The following MAPKAP1 variants were observed in gnomAD, a reference collection of about 807,000 sequenced individuals.
The protein encoded by MAPKAP1 is target of rapamycin complex 2 subunit MAPKAP1.
A neutral mutation model predicts 65.7 loss-of-function variants in MAPKAP1; 20 were observed. The observed-to-expected ratio is 0.30, with a 90% confidence interval of 0.21 to 0.44. The LOEUF (loss-of-function observed/expected upper bound fraction) is 0.44, where lower values mean the gene tolerates loss of function less well. Ranked by LOEUF, MAPKAP1 falls within the 20% of genes least tolerant of loss-of-function variation. The probability of loss-of-function intolerance (pLI) is 1.00; values close to 1 mark genes in which losing one functional copy is unlikely to be tolerated. For missense variants in MAPKAP1, 423 were observed against 648.0 expected (o/e 0.65, Z 3.77); for synonymous variants, 222 against 244.3 (o/e 0.91, Z 0.85).
intron 4 of MAPKAP1, among the ~76,000 whole-genome samples, chr9:125,645,110 G>C (rs1259856428): frequency 1.3e-5 from 2 of 152,104 alleles, no homozygotes; most frequent in African/African-American, 2.4e-5. Flanking sequence ...AAAAGAAAAA[G>C]GGGAGGGGAA....
At chr9:125,577,724 G>A in intron 5 of MAPKAP1, among the ~76,000 whole-genome samples, 1 of 125,636 alleles carries the variant, frequency 8.0e-6, no homozygotes. Context: ...CATCCGGGAG[G>A]TGAGGGGCGC....
chr9:125,442,166 G>A (rs1262615488), intron 11 of MAPKAP1, among the ~76,000 whole-genome samples: 1 of 151,150 alleles, frequency 6.6e-6, no homozygotes, highest in Non-Finnish European at 1.5e-5. Flanking sequence ...TCAGAGGTGG[G>A]AGAAGTACTA....
chr9:125,521,540 T>C, intron 7 of MAPKAP1: 1 of 1,359,488 alleles, frequency 7.4e-7, no homozygotes, highest in Non-Finnish European at 9.4e-7. Context: ...GGGTAATGCA[T>C]TCAAATAAAT....
chr9:125,500,437 C>T (rs1828941919), intron 8 of MAPKAP1, among the ~76,000 whole-genome samples: 1 of 151,992 alleles, frequency 6.6e-6, no homozygotes, highest in Non-Finnish European at 1.5e-5. Context: ...TCGTGATCCA[C>T]CCACCTTGGC....
intron 1 of MAPKAP1, among the ~76,000 whole-genome samples, chr9:125,690,577 A>C (rs940247978): frequency 6.6e-6 from 1 of 152,228 alleles, no homozygotes; most frequent in Non-Finnish European, 1.5e-5. Flanking sequence ...GTGAGGACTG[A>C]ATGAATTAAT....
At chr9:125,682,225 A>G (rs1453375132) in intron 1 of MAPKAP1, among the ~76,000 whole-genome samples, 2 of 152,230 alleles carry the variant, frequency 1.3e-5, no homozygotes, top group Non-Finnish European at 2.9e-5. Flanking sequence ...TCTAGTGGAA[A>G]AACATAGACT....
chr9:125,603,292 T>A (rs1379443580), intron 4 of MAPKAP1, among the ~76,000 whole-genome samples: 1 of 152,148 alleles, frequency 6.6e-6, no homozygotes, highest in Non-Finnish European at 1.5e-5. Flanking sequence ...ATGAGGCTCA[T>A]CAGTAATCGT....
chr9:125,453,372 T>C lies in MAPKAP1; in HGVS notation c.1346-8774A>G, dbSNP rs560094407. ...TGAGCCTCCGTACCAGCCTATTTTA[T>C]GTTTTGAAATCTCTTTAACATTTGG... is the stretch of plus-strand genomic sequence containing the variant. On this transcript the variant is annotated intron_variant, in intron 10 of 11. Coordinates refer to ENST00000265960, the MANE Select transcript of MAPKAP1 (RefSeq NM_001006617.3). 2.0e-5 allele frequency among the ~76,000 whole-genome samples: 3 copies of C among 152,408 alleles called. No homozygotes were observed. In the East Asian group the frequency reaches 5.8e-4, roughly 29 times the overall value.
At chr9:125,558,764 G>A (rs1215668619) in intron 6 of MAPKAP1, among the ~76,000 whole-genome samples, 3 of 152,172 alleles carry the variant, frequency 2.0e-5, no homozygotes, top group African/African-American at 7.2e-5. Context: ...GGGACATGTG[G>A]ATAAAACTCA....
intron 5 of MAPKAP1, among the ~76,000 whole-genome samples, chr9:125,571,778 G>GC (rs1259244585): frequency 6.6e-6 from 1 of 152,102 alleles, no homozygotes; most frequent in Non-Finnish European, 1.5e-5. Context: ...AAGGAGAATC[G>GC]CTTGAACCTG....
At chr9:125,664,740 A>AAAAAAAT in intron 3 of MAPKAP1, among the ~76,000 whole-genome samples, 1 of 146,552 alleles carries the variant, frequency 6.8e-6, no homozygotes, top group South Asian at 2.2e-4. Flanking sequence ...AAAAAAAAAA[A>AAAAAAAT]GGAAAAGAAA....
chr9:125,544,795 C>A (rs1350755535), intron 6 of MAPKAP1, among the ~76,000 whole-genome samples: 1 of 152,178 alleles, frequency 6.6e-6, no homozygotes, highest in Non-Finnish European at 1.5e-5. Flanking sequence ...AAAAGCCAAG[C>A]CCCAAGCTAA....
chr9:125,663,316 T>C (rs1258414750), intron 3 of MAPKAP1, among the ~76,000 whole-genome samples: 1 of 152,210 alleles, frequency 6.6e-6, no homozygotes, highest in African/African-American at 2.4e-5. Context: ...GCACTTGCTA[T>C]TTCCTCCTCT....
intron 1 of MAPKAP1, among the ~76,000 whole-genome samples, chr9:125,683,286 T>C (rs1834878223): frequency 6.6e-6 from 1 of 152,154 alleles, no homozygotes; most frequent in South Asian, 2.1e-4. Flanking sequence ...TGTTGTCCCC[T>C]ACCCTTGAGT....
At chr9:125,472,246 C>T (rs1853951030) in intron 9 of MAPKAP1, among the ~76,000 whole-genome samples, 1 of 152,192 alleles carries the variant, frequency 6.6e-6, no homozygotes, top group African/African-American at 2.4e-5. Flanking sequence ...AGTGGAACAG[C>T]CACTGTTCAA....
chr9:125,438,692 C>T lies in MAPKAP1; in HGVS notation c.*195G>A, dbSNP rs923906927. Reference sequence around the variant, plus strand: ...TCAAAGCCACTGCCAAGCAGACTTCCGTCCCATGGCAATGTCCCCAGCGCT... The same window carrying T: ...TCAAAGCCACTGCCAAGCAGACTTCTGTCCCATGGCAATGTCCCCAGCGCT... On this transcript the variant is annotated 3_prime_UTR_variant, in exon 12 of 12. Transcript: ENST00000265960. The T allele has an allele frequency of 3.4e-5, 21 of 617,978 alleles. No individual in the cohort carries two copies. Among genetic ancestry groups the T allele is most frequent in the African/African-American group, 5.5e-5 (3 of 54,170 alleles). 38.3% of individuals were successfully genotyped at this position (617,978 alleles called of 1,614,324 possible). A position where few individuals can be genotyped will look rare whatever the true frequency, so the allele number is the denominator to read the frequency against.
rs1344529545 is a variant in MAPKAP1, at chr9:125,690,486, C to A, written c.-70+16485G>T. On this transcript the variant is annotated intron_variant, in intron 1 of 11. Transcript: ENST00000265960. ...CCTGGACCTGGCATTCGTGGTGGGACCTTGAGAAAGTAACAACTTCTGTGT... is the reference window on the plus strand; with the variant it reads ...CCTGGACCTGGCATTCGTGGTGGGAACTTGAGAAAGTAACAACTTCTGTGT... 2.0e-5 allele frequency among the ~76,000 whole-genome samples: 3 copies of A among 152,172 alleles called. No individual in the cohort carries two copies. The East Asian group carries it at 5.8e-4, about 29-fold the overall frequency.
At chr9:125,630,485 A>T (rs1833249309) in intron 4 of MAPKAP1, among the ~76,000 whole-genome samples, 1 of 152,170 alleles carries the variant, frequency 6.6e-6, no homozygotes, top group Non-Finnish European at 1.5e-5. Context: ...GCACAAGTCC[A>T]TACCAGGTGC....
intron 6 of MAPKAP1, among the ~76,000 whole-genome samples, chr9:125,549,831 C>A (rs890247351): frequency 3.9e-5 from 6 of 152,188 alleles, no homozygotes; most frequent in East Asian, 1.9e-4. Flanking sequence ...TCGACCCTCC[C>A]CTTCCAGCTG....
Sources: allele counts gnomAD v4.1 joint callset (sites outside exome capture counted in the v4.1 genomes callset), GRCh38; gene constraint gnomAD v4.1.1; transcripts MANE v1.5; gene names NCBI Gene and HGNC (gene_info 2026-07-23, HGNC 2026-07-21).